The following VAV2 variants were observed in gnomAD, a reference collection of about 807,000 sequenced individuals.
VAV2 encodes vav guanine nucleotide exchange factor 2, also known as guanine nucleotide exchange factor VAV2.
VAV2 carries 67 observed loss-of-function variants against 132.5 expected under a neutral mutation model. The observed-to-expected ratio is 0.51, with a 90% CI of 0.42 to 0.62. VAV2 has a LOEUF of 0.62. Ranked by LOEUF, VAV2 falls within the 20% of genes least tolerant of loss-of-function variation. The pLI, the probability that VAV2 is intolerant of heterozygous loss-of-function variation, is 0.00. For synonymous variants in VAV2, 492 were observed against 443.5 expected, an observed-to-expected ratio of 1.11 and a Z score of -1.37; for missense variants, 938 against 1,153.6, an observed-to-expected ratio of 0.81 and a Z score of 2.71.
At chr9:133,906,610 G>T (rs1025542933) in intron 2 of VAV2, among the ~76,000 whole-genome samples, 4 of 152,134 alleles carry the variant, frequency 2.6e-5, no homozygotes, top group African/African-American at 9.7e-5. Context: ...GAGCCTCAAG[G>T]CACCCCTGAG....
In VAV2 at chr9:133,836,524, T is replaced by A. The variant is rs574166929; in HGVS notation, c.381-2184A>T. 7.2e-5 allele frequency among the ~76,000 whole-genome samples: 11 copies of A among 152,268 alleles called. No homozygotes were observed. The East Asian group carries it at 1.7e-3, about 24-fold the overall frequency. ...TGTGTCCTCATCAAAAGTAAAAAAA[T>A]TTTAAACCCCACTCATCTCCTATAA... On this transcript the variant is annotated intron_variant, in intron 3 of 29. Coordinates refer to ENST00000371850, the MANE Select transcript of VAV2 (RefSeq NM_001134398.2).
chr9:133,843,917 G>A (rs532522614), intron 3 of VAV2, among the ~76,000 whole-genome samples: 4 of 151,186 alleles, frequency 2.6e-5, no homozygotes, highest in South Asian at 2.1e-4. Flanking sequence ...CCATAGCCCC[G>A]GCAGTGACCT....
In VAV2 at chr9:133,903,379, AC is replaced by A. The variant is rs1293371239; in HGVS notation, c.321+35723del. Among the ~76,000 whole-genome samples, 4 of 151,798 alleles carry A rather than the reference AC, an allele frequency of 2.6e-5. No individual in the cohort carries two copies. The East Asian group carries it at 5.8e-4, about 22-fold the overall frequency. On this transcript the variant is annotated intron_variant, in intron 2 of 29. Transcript: ENST00000371850. ...GCTCCCGGCTCAGGGTCCCATGCCC[AC>A]CCTGCACCGGGATTCCCTCTGTGAG...
chr9:133,868,219 C>T (rs10217159), intron 2 of VAV2, among the ~76,000 whole-genome samples: 2,619 of 152,344 alleles, frequency 0.017, 60 homozygotes, highest in African/African-American at 0.058. Flanking sequence ...CTGTGAGCTA[C>T]CCGGGGCTCG....
rs747686077 is a variant in VAV2, at chr9:133,992,039, G to C, written c.204+36C>G. On this transcript the variant is annotated intron_variant, in intron 1 of 29. Transcript: ENST00000371850. This position sits in a 1 kb window ranked among gnomAD's most constrained non-coding sequence, Gnocchi z 5.5. ...CCGCGCGTCGGGCAGCGCGAACGCC[G>C]CCTCCCCGGGGCCCTCCCGCCCGCC... 6.8e-7 allele frequency: 1 copy of C among 1,468,332 alleles called. No homozygotes were observed. Among genetic ancestry groups the C allele is most frequent in the Non-Finnish European group, 9.1e-7 (1 of 1,104,484 alleles). 91.0% of individuals were successfully genotyped at this position (1,468,332 alleles called of 1,614,324 possible). A position where few individuals can be genotyped will look rare whatever the true frequency, so the allele number is the denominator to read the frequency against.
At chr9:133,968,028 G>T (rs1391781675) in intron 1 of VAV2, among the ~76,000 whole-genome samples, 1 of 151,754 alleles carries the variant, frequency 6.6e-6, no homozygotes, top group Non-Finnish European at 1.5e-5. Context: ...GGACAGAGTG[G>T]AATGATGGAC....
intron 2 of VAV2, among the ~76,000 whole-genome samples, chr9:133,864,310 A>C (rs1272053197): frequency 6.6e-6 from 1 of 152,230 alleles, no homozygotes; most frequent in Non-Finnish European, 1.5e-5. Context: ...ACGACCAGGC[A>C]TGCTGGGGAG....
intron 2 of VAV2, among the ~76,000 whole-genome samples, chr9:133,900,943 G>C (rs1472607137): frequency 7.9e-5 from 12 of 151,832 alleles, no homozygotes; most frequent in Non-Finnish European, 7.4e-5. Context: ...GGGATTACAG[G>C]TGCGTGTCAT....
At chr9:133,853,874 G>C (rs1305749969) in intron 3 of VAV2, among the ~76,000 whole-genome samples, 1 of 152,052 alleles carries the variant, frequency 6.6e-6, no homozygotes, top group African/African-American at 2.4e-5. Context: ...AAACACTCTG[G>C]GTGCCTGCTG....
chr9:133,768,488 C>A lies in VAV2; in HGVS notation c.2543G>T (p.Arg848Leu), dbSNP rs1448786149. The A allele has an allele frequency of 6.2e-7, 1 of 1,613,884 alleles. No individual in the cohort carries two copies. Among genetic ancestry groups the A allele is most frequent in the Non-Finnish European group, 8.5e-7 (1 of 1,180,000 alleles). ...CCACCAGCCCTGGTCTCCGCCGATG[C>A]GGCTGTAGATCCTCACCACGTCACC... ...REGDVVRIYS[R>L]IGGDQGWWKG... is the part of the protein sequence containing the mutation. The change falls in exon 29 of 30, where the codon CGC becomes CTC. Residue 848 changes from arginine to leucine, a missense_variant. Coordinates refer to ENST00000371850, the MANE Select transcript of VAV2 (RefSeq NM_001134398.2). The surrounding 1 kb of genome is among the most constrained non-coding windows in gnomAD (Gnocchi z 5.3).
At chr9:133,945,113 G>T (rs1182044158) in intron 1 of VAV2, among the ~76,000 whole-genome samples, 1 of 152,236 alleles carries the variant, frequency 6.6e-6, no homozygotes, top group Non-Finnish European at 1.5e-5. Context: ...GCCTGCCCAA[G>T]GTCACTAGCA....
chr9:133,981,964 G>C (rs12336601), intron 1 of VAV2, among the ~76,000 whole-genome samples: 16,909 of 152,340 alleles, frequency 0.11, 1,034 homozygotes, highest in African/African-American at 0.16. Flanking sequence ...CTGAGCACTT[G>C]CTGTTGGACC....
intron 4 of VAV2, among the ~76,000 whole-genome samples, chr9:133,817,541 G>C (rs550231171): frequency 5.9e-5 from 9 of 152,270 alleles, no homozygotes; most frequent in African/African-American, 2.2e-4. Flanking sequence ...CTGGGAGGTG[G>C]AGCTTGCAGT....
intron 2 of VAV2, among the ~76,000 whole-genome samples, chr9:133,906,607 A>G (rs1440517851): frequency 6.6e-6 from 1 of 152,088 alleles, no homozygotes; most frequent in Non-Finnish European, 1.5e-5. Flanking sequence ...GCGGAGCCTC[A>G]AGGCACCCCT....
At chr9:133,872,427 C>G (rs570261132) in intron 2 of VAV2, among the ~76,000 whole-genome samples, 1 of 152,202 alleles carries the variant, frequency 6.6e-6, no homozygotes. Context: ...GTCCTCACTC[C>G]GCGCACCGTC....
At chr9:133,905,433 C>CAAAAAAAAAAAAAA (rs5901029) in intron 2 of VAV2, among the ~76,000 whole-genome samples, 1 of 113,302 alleles carries the variant, frequency 8.8e-6, no homozygotes, top group Non-Finnish European at 1.7e-5. Flanking sequence ...GAAACTGTCT[C>CAAAAAAAAAAAAAA]AAAAAAAAAA....
At chr9:133,898,132 G>A (rs1178866759) in intron 2 of VAV2, among the ~76,000 whole-genome samples, 3 of 152,082 alleles carry the variant, frequency 2.0e-5, no homozygotes, top group African/African-American at 7.3e-5. Flanking sequence ...AGGCTGGGAG[G>A]GACCTCGGAG....
Position 133,857,101 on chromosome 9 carries a change from C to T in VAV2, c.380+4273G>A, listed in dbSNP as rs1324842224. Among the ~76,000 whole-genome samples the T allele has an allele frequency of 1.3e-5, 2 of 152,206 alleles. No individual in the cohort carries two copies. The highest frequency in any genetic ancestry group is 4.8e-5 in the African/African-American group (2 of 41,462). ...AAGCTTCCTTCATGGGACCTGACCT[C>T]CCAGCCTGAGGACACCTTTCGGTTT... On this transcript the variant is annotated intron_variant, in intron 3 of 29. Transcript: ENST00000371850. This position sits in a 1 kb window ranked among gnomAD's most constrained non-coding sequence, Gnocchi z 4.0.
chr9:133,858,651 C>T (rs886754953), intron 3 of VAV2, among the ~76,000 whole-genome samples: 1 of 152,180 alleles, frequency 6.6e-6, no homozygotes, highest in African/African-American at 2.4e-5. Context: ...AGCCCTGAGC[C>T]CTGGGATTTA....
Sources: allele counts gnomAD v4.1 joint callset (sites outside exome capture counted in the v4.1 genomes callset), GRCh38; gene constraint gnomAD v4.1.1; non-coding constraint Gnocchi (gnomAD v3.1); transcripts MANE v1.5; gene names NCBI Gene and HGNC (gene_info 2026-07-23, HGNC 2026-07-21).